Variants in ACACA observed in about 807,000 individuals in gnomAD.
ACACA encodes the protein acetyl-CoA carboxylase 1.
A neutral mutation model predicts 296.1 loss-of-function variants in ACACA; 103 were observed. The ratio of observed to expected loss-of-function variants is 0.35; its 90% CI spans 0.30 to 0.41. The LOEUF (loss-of-function observed/expected upper bound fraction) is 0.41, where lower values mean the gene tolerates loss of function less well. Among genes scored for constraint, ACACA ranks in the 10% least tolerant of loss-of-function variants. The probability of loss-of-function intolerance (pLI) is 1.00; values close to 1 mark genes in which losing one functional copy is unlikely to be tolerated. For missense variants in ACACA, 1,554 were observed against 2,989.7 expected, an observed-to-expected ratio of 0.52 and a Z score of 11.20; for synonymous variants, 953 against 1,038.6, an observed-to-expected ratio of 0.92 and a Z score of 1.58.
At chr17:37,241,374 T>C (rs1412771226) in intron 23 of ACACA, among the ~76,000 whole-genome samples, 2 of 152,056 alleles carry the variant, frequency 1.3e-5, no homozygotes, top group Admixed American at 6.5e-5. Flanking sequence ...TTCATCAAAA[T>C]GGCAAGGAAA....
Position 37,179,305 on chromosome 17 carries a change from A to T in ACACA, c.5034T>A (p.Asp1678Glu). The T allele has an allele frequency of 1.2e-6, 2 of 1,614,168 alleles. No individual in the cohort carries two copies. The highest frequency in any genetic ancestry group is 1.6e-4 in the Middle Eastern group (1 of 6,062). Reference sequence around the variant, plus strand: ...TGTTCATGTGGACCAGCTGACCTTGATCATCCAGTACCAGTTCAGTGTAAG... The same window carrying T: ...TGTTCATGTGGACCAGCTGACCTTGTTCATCCAGTACCAGTTCAGTGTAAG... The part of the protein sequence containing the change: ...MLTYTELVLD[D>E]QGQLVHMNRL... Residue 1678 changes from aspartate (D) to glutamate (E), a missense_variant, in exon 41 of 56, where the codon GAT (aspartate) becomes GAA (glutamate). Physicochemically the swap from Asp to Glu is conservative, Grantham distance 45. Around this residue, in one of 16 missense-constraint regions of ACACA, gnomAD observed 553 missense variants for 1,043.6 expected, o/e 0.53. Transcript: ENST00000616317.
In ACACA at chr17:37,244,624, A is replaced by G. The variant is rs745982434; in HGVS notation, c.2706T>C (p.Asn902=). ...AGAAAGGATCTGGAAGGCAGTATCC[A>G]TTCATTACATTGACCAGATTATCCA... is the stretch of plus-strand genomic sequence containing the variant. ...YVLDNLVNVM[N]GYCLPDPFFS... is the part of the protein sequence containing the mutation. The change falls in exon 21 of 56, where the codon AAT becomes AAC. Residue 902 remains asparagine (N), a synonymous_variant. Coordinates refer to ENST00000616317, the MANE Select transcript of ACACA (RefSeq NM_198834.3). The G allele has an allele frequency of 6.2e-7, 1 of 1,614,200 alleles. No homozygotes were observed. Among genetic ancestry groups the G allele is most frequent in the South Asian group, 1.1e-5 (1 of 91,084 alleles).
At chr17:37,167,148 G>A (rs1436166968) in intron 41 of ACACA, among the ~76,000 whole-genome samples, 3 of 130,320 alleles carry the variant, frequency 2.3e-5, no homozygotes, top group Non-Finnish European at 4.7e-5. Context: ...TTTTGGTACA[G>A]ATGGGGTTTC....
At chr17:37,155,853 A>G (rs2076220478) in intron 42 of ACACA, 73 bp from the exon 43 acceptor site, 2 of 1,022,688 alleles carry the variant, frequency 2.0e-6, no homozygotes, top group Non-Finnish European at 3.1e-6. Flanking sequence ...CAAAGCATAC[A>G]TAATGAAGCT....
chr17:37,244,832 C>T (rs916956840), intron 20 of ACACA, 98 bp from the exon 21 acceptor site: 1 of 1,530,354 alleles, frequency 6.5e-7, no homozygotes, highest in East Asian at 2.2e-5. Flanking sequence ...ATCGAGACAT[C>T]ATACCCAGCT....
At chr17:37,108,589 T>C (rs1246976132) in intron 52 of ACACA, among the ~76,000 whole-genome samples, 2 of 152,126 alleles carry the variant, frequency 1.3e-5, no homozygotes, top group Non-Finnish European at 2.9e-5. Context: ...GGTTTCTCCA[T>C]GTTGGTCAGG....
intron 3 of ACACA, among the ~76,000 whole-genome samples, chr17:37,324,224 G>T (rs979735554): frequency 6.6e-6 from 1 of 151,784 alleles, no homozygotes; most frequent in Admixed American, 6.6e-5. Flanking sequence ...AAATTAGCCA[G>T]ACGTGGTGGC....
chr17:37,140,622 C>G (rs1476831158), intron 45 of ACACA: 2 of 169,576 alleles, frequency 1.2e-5, no homozygotes, highest in East Asian at 2.8e-4. Flanking sequence ...GTTGTAGCCA[C>G]AGTTGGAGCC....
In ACACA at chr17:37,367,990, C is replaced by A. The variant is rs2049667108; in HGVS notation, c.39-28140G>T. ...GCTGAGAAAGGAGAATTGCTTGAAC[C>A]CGGGAGGCGGAGGTTGCAGTGAGCC... On this transcript the variant is annotated intron_variant, in intron 1 of 55. Coordinates refer to ENST00000616317, the MANE Select transcript of ACACA (RefSeq NM_198834.3). Among the ~76,000 whole-genome samples, 2 of 152,152 alleles carry A rather than the reference C, an allele frequency of 1.3e-5. 1 individual carries two copies. Among genetic ancestry groups the A allele is most frequent in the South Asian group, 4.1e-4 (2 of 4,832 alleles).
chr17:37,359,120 C>T (rs1388006686), intron 1 of ACACA: 19 of 985,478 alleles, frequency 1.9e-5, no homozygotes, highest in Non-Finnish European at 2.2e-5. Context: ...CAGGCCGGCC[C>T]GGCACACGGA....
At position 37,172,106 on chromosome 17, in the gene ACACA, T is replaced by A. The variant is rs188110439; in HGVS notation, c.5079+7154A>T. Among the ~76,000 whole-genome samples the A allele has an allele frequency of 2.4e-3, 364 of 152,336 alleles. 2 individuals carry two copies. In the Middle Eastern group the frequency reaches 0.034, roughly 14 times the overall value. ...TGTAAAGTTTCTTGACATAGGGTAC[T>A]ATGTCACATTCTTTTTCAGTAAAAT... On this transcript the variant is annotated intron_variant, in intron 41 of 55. Transcript: ENST00000616317.
chr17:37,164,913 G>A (rs2076604730), intron 41 of ACACA, among the ~76,000 whole-genome samples: 1 of 152,126 alleles, frequency 6.6e-6, no homozygotes, highest in African/African-American at 2.4e-5. Context: ...TGACCATGTG[G>A]CACTGGGCAG....
chr17:37,400,288 T>A (rs2051237891), intron 1 of ACACA, among the ~76,000 whole-genome samples: 1 of 151,926 alleles, frequency 6.6e-6, no homozygotes, highest in South Asian at 2.1e-4. Flanking sequence ...CCTGGCTAAT[T>A]TTTGTATTTT....
Position 37,113,370 on chromosome 17 carries a change from A to G in ACACA, c.6275-105T>C. The G allele has an allele frequency of 8.1e-7, 1 of 1,238,654 alleles. No homozygotes were observed. The highest frequency in any genetic ancestry group is 1.2e-6 in the Non-Finnish European group (1 of 862,252). 76.7% of individuals were successfully genotyped at this position (1,238,654 alleles called of 1,614,324 possible). A position where few individuals can be genotyped will look rare whatever the true frequency, so the allele number is the denominator to read the frequency against. On this transcript the variant is annotated intron_variant, in intron 50 of 55. Transcript: ENST00000616317. This position sits in a 1 kb window ranked among gnomAD's most constrained non-coding sequence, Gnocchi z 4.0. ...TGGCCACGAAGAGCCTCCTTATACT[A>G]TGCCTCCTGTTTGGCCACCCTATAG...
chr17:37,194,062 C>G (rs562411895), intron 35 of ACACA, among the ~76,000 whole-genome samples: 2 of 152,040 alleles, frequency 1.3e-5, no homozygotes, highest in African/African-American at 4.8e-5. Context: ...ACCCAATTTA[C>G]TAGAACCTTA....
chr17:37,262,856 A>G (rs1328026543), intron 11 of ACACA, among the ~76,000 whole-genome samples: 1 of 151,956 alleles, frequency 6.6e-6, no homozygotes, highest in Non-Finnish European at 1.5e-5. Context: ...CAGCCTCCCA[A>G]GCAGCTGAGA....
At chr17:37,219,261 G>T (rs993721162) in intron 29 of ACACA, among the ~76,000 whole-genome samples, 2 of 152,170 alleles carry the variant, frequency 1.3e-5, no homozygotes, top group Admixed American at 6.6e-5. Context: ...TGCTGAGAGG[G>T]TTGATAAACT....
Position 37,284,892 on chromosome 17 carries a change from C to T in ACACA, c.417G>A (p.Val139=). The change falls in exon 4 of 56, where the codon GTG becomes GTA. Residue 139 remains valine, a synonymous_variant. Transcript: ENST00000616317. ...GAGTAACAAATTCTGCTGGAGAAGC[C>T]ACAGTGAAATCTCGTTGAGAATCTA... is the stretch of plus-strand genomic sequence containing the variant. ...KKIDSQRDFT[V]ASPAEFVTRF... The T allele has an allele frequency of 6.2e-7, 1 of 1,614,148 alleles. No homozygotes were observed.
chr17:37,170,837 G>A (rs1396542850), intron 41 of ACACA, among the ~76,000 whole-genome samples: 8 of 152,180 alleles, frequency 5.3e-5, no homozygotes, highest in African/African-American at 1.4e-4. Flanking sequence ...GCACACACAG[G>A]CACTTCCCAA....
Sources: gnomAD v4.1 joint callset for allele counts (sites outside exome capture counted in the v4.1 genomes callset) on GRCh38, gnomAD v4.1.1 for gene constraint, gnomAD v4.1.1 regional missense constraint, Gnocchi (gnomAD v3.1) non-coding constraint, MANE v1.5 for transcripts, NCBI Gene and HGNC (gene_info 2026-07-23, HGNC 2026-07-21) for gene names.